GATB: variants seen among roughly 807,000 people sequenced by gnomAD.
GATB encodes glutamyl-tRNA amidotransferase subunit B, also known as glutamyl-tRNA(Gln) amidotransferase subunit B, mitochondrial.
A neutral mutation model predicts 62.3 loss-of-function variants in GATB; 39 were observed. The ratio of observed to expected loss-of-function variants is 0.63; its 90% CI spans 0.48 to 0.82. The LOEUF is 0.82. Ranked by LOEUF, GATB falls within the 40% of genes least tolerant of loss-of-function variation. The probability of loss-of-function intolerance (pLI) is 0.00; values close to 1 mark genes in which losing one functional copy is unlikely to be tolerated. For synonymous variants in GATB, 276 were observed against 258.9 expected, an observed-to-expected ratio of 1.07 and a Z score of -0.63; for missense variants, 670 against 684.0, an observed-to-expected ratio of 0.98 and a Z score of 0.23.
intron 2 of GATB, among the ~76,000 whole-genome samples, chr4:151,749,447 G>T (rs1467442770): frequency 6.8e-6 from 1 of 146,010 alleles, no homozygotes; most frequent in African/African-American, 2.5e-5. Context: ...ACTCATAGGT[G>T]AGAACTGAAC....
intron 8 of GATB, among the ~76,000 whole-genome samples, chr4:151,702,450 C>T (rs905141924): frequency 3.3e-5 from 5 of 152,132 alleles, no homozygotes; most frequent in Admixed American, 6.6e-5. Flanking sequence ...TATGTCAAAA[C>T]CCACGCAATG....
intron 2 of GATB, among the ~76,000 whole-genome samples, chr4:151,731,939 CCGCCCCG>C: frequency 1.9e-5 from 2 of 103,778 alleles, no homozygotes; most frequent in South Asian, 5.1e-4. Flanking sequence ...GCCGGGCCAG[CCGCCCCG>C]TCCGGGAGGG....
At chr4:151,703,819 T>C (rs1271864442) in intron 8 of GATB, 32 bp downstream of exon 8, 27 of 1,444,150 alleles carry the variant, frequency 1.9e-5, no homozygotes, top group Non-Finnish European at 2.6e-5. Flanking sequence ...GCCCCCGATA[T>C]ATAGCGGTAT....
Position 151,758,937 on chromosome 4 carries a change from A to AAC in GATB, c.177-16_177-15insGT. On this transcript the variant is annotated splice_polypyrimidine_tract_variant and intron_variant, in intron 1 of 12. Transcript: ENST00000263985. Reference sequence around the variant, plus strand: ...ATTTGTGTTCACTAAGAAGAAAGAGATAATGGTTAAGATGTATTATATTTG... The same window carrying AAC: ...ATTTGTGTTCACTAAGAAGAAAGAGAACTAATGGTTAAGATGTATTATATTTG... The AAC allele has an allele frequency of 1.9e-6, 3 of 1,582,160 alleles. No homozygotes were observed. The highest frequency in any genetic ancestry group is 2.6e-6 in the Non-Finnish European group (3 of 1,162,344).
intron 9 of GATB, among the ~76,000 whole-genome samples, chr4:151,699,611 G>A (rs1040221168): frequency 4.6e-5 from 7 of 152,100 alleles, no homozygotes; most frequent in Admixed American, 4.6e-4. Flanking sequence ...GCTCAGTGAG[G>A]TAAGGCAGGC....
chr4:151,719,513 G>A lies in GATB; in HGVS notation c.353C>T (p.Ala118Val), dbSNP rs1277497850. Residue 118 changes from alanine (A) to valine (V), a missense_variant, in exon 3 of 13, where the codon GCG (alanine) becomes GTG (valine). Coordinates refer to ENST00000263985, the MANE Select transcript of GATB (RefSeq NM_004564.3). The part of the protein sequence containing the change: ...LPVLNRRCVE[A>V]AVMTGLALNC... ...CAGAGCCAGGCCTGTCATCACCGCC[G>A]CTTCTACACACCTCCTGTTGAGAAC... 21 of 1,608,110 alleles carry A rather than the reference G, an allele frequency of 1.3e-5. 1 individual carries two copies. Among genetic ancestry groups the A allele is most frequent in the African/African-American group, 5.4e-5 (4 of 74,538 alleles).
At chr4:151,688,525 T>A in intron 10 of GATB, 105 bp downstream of exon 10, 1 of 1,077,416 alleles carries the variant, frequency 9.3e-7, no homozygotes, top group Non-Finnish European at 1.4e-6. Context: ...TGTCAGGATA[T>A]CCTGAGGGAG....
At chr4:151,727,349 G>A (rs746293104) in intron 2 of GATB, among the ~76,000 whole-genome samples, 8 of 152,226 alleles carry the variant, frequency 5.3e-5, no homozygotes, top group Non-Finnish European at 1.2e-4. Context: ...GATGAAAAGA[G>A]CTCTCCCATG....
chr4:151,749,948 C>T (rs1739684389), intron 2 of GATB, among the ~76,000 whole-genome samples: 1 of 152,014 alleles, frequency 6.6e-6, no homozygotes, highest in East Asian at 1.9e-4. Context: ...GTGGCGCTAT[C>T]TCGGCTCACT....
At chr4:151,711,021 CA>C (rs1432772709) in intron 5 of GATB, among the ~76,000 whole-genome samples, 6 of 152,294 alleles carry the variant, frequency 3.9e-5, no homozygotes, top group African/African-American at 1.4e-4. Flanking sequence ...CGGTAAACAG[CA>C]CCACCATCTA....
At chr4:151,732,935 A>G (rs915673510) in intron 2 of GATB, among the ~76,000 whole-genome samples, 5 of 152,044 alleles carry the variant, frequency 3.3e-5, no homozygotes, top group African/African-American at 1.2e-4. Flanking sequence ...CAATAATGAC[A>G]CAACCTATCA....
rs376818767 is a variant in GATB, at chr4:151,688,755, G to C, written c.1206C>G (p.Val402=). 2 of 1,563,978 alleles carry C rather than the reference G, an allele frequency of 1.3e-6. No homozygotes were observed. Among genetic ancestry groups the C allele is most frequent in the East Asian group, 2.3e-5 (1 of 44,230 alleles). Residue 402 remains valine (V), a synonymous_variant, in exon 10 of 13, where the codon GTC becomes GTG. Coordinates refer to ENST00000263985, the MANE Select transcript of GATB (RefSeq NM_004564.3). The part of the protein sequence containing the change: ...LEHSFTLLNE[V]GLLEFFQNVI... ...CATTTTGGAAGAACTCCAGTAGGCC[G>C]ACTTCGTTCTGTTAAAAAAAAAAAA...
At chr4:151,683,938 G>C (rs1469474160) in intron 10 of GATB, among the ~76,000 whole-genome samples, 4 of 152,150 alleles carry the variant, frequency 2.6e-5, no homozygotes, top group Non-Finnish European at 5.9e-5. Context: ...CCTACTCCCT[G>C]AAAAATCTAG....
intron 6 of GATB, 61 bp from the exon 7 acceptor site, chr4:151,705,330 A>G: frequency 9.6e-7 from 1 of 1,038,144 alleles, no homozygotes; most frequent in Middle Eastern, 2.1e-4. Flanking sequence ...CAGTCAAGCA[A>G]TAATTAGAAA....
chr4:151,689,046 C>A (rs1389398912), intron 9 of GATB, among the ~76,000 whole-genome samples: 3 of 152,174 alleles, frequency 2.0e-5, no homozygotes, highest in African/African-American at 7.2e-5. Flanking sequence ...CCACATCCCC[C>A]AAACCCACTT....
At chr4:151,682,407 C>T (rs1738158715) in intron 10 of GATB, among the ~76,000 whole-genome samples, 1 of 152,196 alleles carries the variant, frequency 6.6e-6, no homozygotes, top group Non-Finnish European at 1.5e-5. Flanking sequence ...ACTCGACACG[C>T]AATGGCAGCA....
chr4:151,733,540 C>CA (rs1256631292), intron 2 of GATB, among the ~76,000 whole-genome samples: 3 of 152,156 alleles, frequency 2.0e-5, no homozygotes, highest in Admixed American at 6.5e-5. Flanking sequence ...ACCAGACATT[C>CA]AAAGAATTGG....
At chr4:151,673,715 G>T (rs79355081) in intron 11 of GATB, 6 of 152,168 alleles carry the variant, frequency 3.9e-5, no homozygotes, top group Non-Finnish European at 8.8e-5. Flanking sequence ...ATTTCCTAGG[G>T]TAGCTGTTTT....
chr4:151,719,191 C>G (rs1738976565), intron 3 of GATB, among the ~76,000 whole-genome samples: 1 of 152,216 alleles, frequency 6.6e-6, no homozygotes, highest in Admixed American at 6.5e-5. Context: ...TATGAGCGAG[C>G]CACCAGAAGC....
Sources: allele counts gnomAD v4.1 joint callset (sites outside exome capture counted in the v4.1 genomes callset), GRCh38; gene constraint gnomAD v4.1.1; transcripts MANE v1.5; gene names NCBI Gene and HGNC (gene_info 2026-07-23, HGNC 2026-07-21).